HLCS: variants seen among roughly 807,000 people sequenced by gnomAD.
HLCS encodes biotin--protein ligase.
In HLCS, 53 loss-of-function variants were observed where a neutral mutation model predicts 75.0. The observed-to-expected ratio is 0.71, with a 90% CI of 0.57 to 0.89. The LOEUF (loss-of-function observed/expected upper bound fraction) is 0.89, where lower values mean the gene tolerates loss of function less well. Among genes scored for constraint, HLCS ranks in the 40% least tolerant of loss-of-function variants. HLCS has a pLI of 0.00. For missense variants in HLCS, 966 were observed against 1,074.0 expected, an observed-to-expected ratio of 0.90 and a Z score of 1.41; for synonymous variants, 431 against 428.6, an observed-to-expected ratio of 1.01 and a Z score of -0.07.
upstream of HLCS, among the ~76,000 whole-genome samples, chr21:36,968,012 GC>G (rs1444045780): frequency 1.3e-5 from 2 of 151,072 alleles, no homozygotes; most frequent in Admixed American, 6.6e-5. Flanking sequence ...GAACCACCGC[GC>G]CCAGCTAGGA....
Position 36,936,655 on chromosome 21 carries a change from G to A in HLCS, c.1231C>T (p.His411Tyr). The change falls in exon 4 of 11, where the codon CAC (histidine) becomes TAC (tyrosine). Residue 411 changes from histidine (H) to tyrosine (Y), a missense_variant. Physicochemically the swap from His to Tyr is moderately conservative, Grantham distance 83. Transcript: ENST00000674895. Reference protein sequence around the residue: ...GFQVTSKGALHKTVQNLVFSK... With the variant: ...GFQVTSKGALYKTVQNLVFSK... ...AAAACCAAGTTCTGGACTGTCTTGTGCAGTGCACCCTTGCTTGTCACCTGA... is the reference window on the plus strand; with the variant it reads ...AAAACCAAGTTCTGGACTGTCTTGTACAGTGCACCCTTGCTTGTCACCTGA... The A allele has an allele frequency of 6.2e-7, 1 of 1,614,204 alleles. No individual in the cohort carries two copies. Among genetic ancestry groups the A allele is most frequent in the Non-Finnish European group, 8.5e-7 (1 of 1,180,042 alleles).
At chr21:36,982,039 A>G (rs746727870) in intron 1 of HLCS, among the ~76,000 whole-genome samples, 4 of 152,212 alleles carry the variant, frequency 2.6e-5, no homozygotes, top group Admixed American at 1.3e-4. Flanking sequence ...GGGGTTTCTC[A>G]TAACACAAGA....
chr21:36,935,406 A>G (rs2066834240), intron 4 of HLCS, among the ~76,000 whole-genome samples: 1 of 151,960 alleles, frequency 6.6e-6, no homozygotes, highest in Non-Finnish European at 1.5e-5. Context: ...ACAAATATAT[A>G]CTCTGGAAAA....
chr21:36,988,243 T>A (rs1003520679), intron 1 of HLCS, among the ~76,000 whole-genome samples: 2 of 152,216 alleles, frequency 1.3e-5, no homozygotes, highest in African/African-American at 4.8e-5. Context: ...GGTTTCTTTT[T>A]TCCCTTTTCT....
intron 6 of HLCS, among the ~76,000 whole-genome samples, chr21:36,799,798 T>C (rs1373699369): frequency 6.6e-6 from 1 of 152,198 alleles, no homozygotes; most frequent in African/African-American, 2.4e-5. Flanking sequence ...AGCCGAAAAC[T>C]TGACCCTACA....
At chr21:36,971,846 TGAA>T (rs929966994) in intron 1 of HLCS, 15 of 146,688 alleles carry the variant, frequency 1.0e-4, no homozygotes, top group Admixed American at 4.8e-4. Context: ...AAAAAAAAAA[TGAA>T]GAGCCATGAA....
intron 6 of HLCS, among the ~76,000 whole-genome samples, chr21:36,866,944 A>G (rs1335670126): frequency 1.3e-5 from 2 of 151,192 alleles, no homozygotes; most frequent in African/African-American, 4.9e-5. Flanking sequence ...TTGGGGGATG[A>G]TGGAAAGGGG....
chr21:36,859,798 C>A (rs910630907), intron 6 of HLCS, among the ~76,000 whole-genome samples: 17 of 152,240 alleles, frequency 1.1e-4, no homozygotes, highest in African/African-American at 4.1e-4. Context: ...CACAAACCAC[C>A]ATTCCCAGAC....
rs1852537291 is a variant in HLCS, at chr21:36,868,461, A to G, written c.1892+28399T>C. Among the ~76,000 whole-genome samples the G allele has an allele frequency of 2.6e-5, 4 of 152,146 alleles. No individual in the cohort carries two copies. The South Asian group carries it at 8.3e-4, about 32-fold the overall frequency. ...AAAACTTTAGATTTCACTTTTAAAT[A>G]TATGAACAGAAAATATATCCATGTA... On this transcript the variant is annotated intron_variant, in intron 6 of 10. Transcript: ENST00000674895.
chr21:36,790,199 A>T (rs781565649), intron 6 of HLCS, among the ~76,000 whole-genome samples: 12 of 152,128 alleles, frequency 7.9e-5, no homozygotes, highest in East Asian at 7.7e-4. Flanking sequence ...AGGTCAGGAG[A>T]TCAAGACCAT....
intron 6 of HLCS, among the ~76,000 whole-genome samples, chr21:36,873,086 G>C (rs1229492518): frequency 6.6e-6 from 1 of 151,874 alleles, no homozygotes; most frequent in Non-Finnish European, 1.5e-5. Context: ...TATTGTTAAG[G>C]ATTATTACAC....
chr21:36,838,468 G>A (rs1303709889), intron 6 of HLCS, among the ~76,000 whole-genome samples: 2 of 152,160 alleles, frequency 1.3e-5, no homozygotes, highest in Non-Finnish European at 2.9e-5. Flanking sequence ...CACTTTGGGA[G>A]GCCGAGGCGG....
At chr21:36,849,444 T>C (rs2062910414) in intron 6 of HLCS, among the ~76,000 whole-genome samples, 1 of 152,256 alleles carries the variant, frequency 6.6e-6, no homozygotes. Flanking sequence ...CTCTGGCAGC[T>C]TTTTGCTGGG....
At chr21:36,777,504 A>G (rs1735769788) in intron 6 of HLCS, among the ~76,000 whole-genome samples, 2 of 152,220 alleles carry the variant, frequency 1.3e-5, no homozygotes, top group Admixed American at 1.3e-4. Context: ...TCCTAGTAAT[A>G]ATGCTCTTTT....
intron 8 of HLCS, among the ~76,000 whole-genome samples, chr21:36,760,951 G>A (rs1053721251): frequency 6.6e-6 from 1 of 152,248 alleles, no homozygotes; most frequent in Non-Finnish European, 1.5e-5. Context: ...TGTGCCATGT[G>A]TGGGTAAAGG....
intron 6 of HLCS, among the ~76,000 whole-genome samples, chr21:36,836,482 T>A (rs186918642): frequency 9.5e-6 from 1 of 105,594 alleles, no homozygotes; most frequent in East Asian, 3.0e-4. Flanking sequence ...CCCACAACAG[T>A]CCCCAGAGTA....
intron 6 of HLCS, among the ~76,000 whole-genome samples, chr21:36,894,540 C>T (rs2064932191): frequency 6.6e-6 from 1 of 152,138 alleles, no homozygotes; most frequent in African/African-American, 2.4e-5. Context: ...CTGTGAGTAA[C>T]CTCACTTCGT....
intron 6 of HLCS, among the ~76,000 whole-genome samples, chr21:36,832,756 T>C (rs1399941459): frequency 6.6e-6 from 1 of 152,246 alleles, no homozygotes; most frequent in Non-Finnish European, 1.5e-5. Flanking sequence ...TTCTCTCATT[T>C]AGCAATATCA....
At chr21:36,862,082 T>C (rs368613469) in intron 6 of HLCS, among the ~76,000 whole-genome samples, 1 of 152,236 alleles carries the variant, frequency 6.6e-6, no homozygotes, top group African/African-American at 2.4e-5. Context: ...CATTTTAGCA[T>C]AATGTTTTCA....
Sources: gnomAD v4.1 joint callset for allele counts (sites outside exome capture counted in the v4.1 genomes callset) on GRCh38, gnomAD v4.1.1 for gene constraint, MANE v1.5 for transcripts, NCBI Gene and HGNC (gene_info 2026-07-23, HGNC 2026-07-21) for gene names.